NWD1: variants seen among roughly 807,000 people sequenced by gnomAD.
The protein encoded by NWD1 is NACHT domain- and WD repeat-containing protein 1.
In NWD1, 129 loss-of-function variants were observed where a neutral mutation model predicts 135.1. The ratio of observed to expected loss-of-function variants is 0.96; its 90% CI spans 0.83 to 1.11. The LOEUF is 1.11. Among genes scored for constraint, NWD1 ranks in the 50% least tolerant of loss-of-function variants. NWD1 has a pLI of 0.00. For synonymous variants in NWD1, 773 were observed against 786.0 expected, an observed-to-expected ratio of 0.98 and a Z score of 0.28; for missense variants, 1,740 against 1,851.3, an observed-to-expected ratio of 0.94 and a Z score of 1.10.
intron 8 of NWD1, 39 bp from the exon 9 acceptor site, chr19:16,763,789 G>T (rs757733064): frequency 7.8e-7 from 1 of 1,279,080 alleles, no homozygotes; most frequent in Non-Finnish European, 1.1e-6. Flanking sequence ...GAATGAATGG[G>T]TTTGTGTCCA....
At position 16,750,105 on chromosome 19, in the gene NWD1, C is replaced by A. The variant is rs758457446; in HGVS notation, c.1463C>A (p.Ala488Asp). ...TLQRVLLDPE[A>D]YWEVKPLSGN... ...CAGCGGGTGCTCCTGGACCCGGAGG[C>A]CTACTGGGAGGTGAAGCCCCTTTCC... is the stretch of plus-strand genomic sequence containing the variant. Residue 488 changes from alanine (A) to aspartate (D), a missense_variant, in exon 6 of 19, where the codon GCC (alanine) becomes GAC (aspartate). Ala to Asp is a moderately radical substitution (Grantham distance 126). Coordinates refer to ENST00000524140, the MANE Select transcript of NWD1 (RefSeq NM_001007525.5). 1.9e-6 allele frequency: 3 copies of A among 1,614,022 alleles called. No individual in the cohort carries two copies. Among genetic ancestry groups the A allele is most frequent in the East Asian group, 2.2e-5 (1 of 44,874 alleles).
At chr19:16,745,776 G>A (rs569083325) in intron 5 of NWD1, among the ~76,000 whole-genome samples, 1 of 150,074 alleles carries the variant, frequency 6.7e-6, no homozygotes, top group Admixed American at 6.7e-5. Context: ...AATTAGCTAG[G>A]TATAGTGGTG....
intron 10 of NWD1, among the ~76,000 whole-genome samples, chr19:16,769,778 C>A (rs1045779263): frequency 6.6e-6 from 1 of 152,202 alleles, no homozygotes; most frequent in African/African-American, 2.4e-5. Flanking sequence ...TATGTCTCCC[C>A]GATCCTTGCC....
At chr19:16,752,989 C>A (rs185675807) in intron 6 of NWD1, among the ~76,000 whole-genome samples, 1 of 152,192 alleles carries the variant, frequency 6.6e-6, no homozygotes, top group Non-Finnish European at 1.5e-5. Flanking sequence ...CAGAGCAAGA[C>A]CCTGTCTCCA....
intron 6 of NWD1, among the ~76,000 whole-genome samples, chr19:16,751,056 C>T (rs905630259): frequency 1.3e-5 from 2 of 151,250 alleles, no homozygotes; most frequent in Admixed American, 1.3e-4. Context: ...AACTCTGTCT[C>T]CACTAAAAAT....
At chr19:16,752,212 A>C (rs1247493859) in intron 6 of NWD1, among the ~76,000 whole-genome samples, 1 of 148,860 alleles carries the variant, frequency 6.7e-6, no homozygotes, top group East Asian at 1.9e-4. Flanking sequence ...TCTCAGTTTT[A>C]GGGTTGTTTT....
chr19:16,771,426 C>A (rs979461492), intron 10 of NWD1, among the ~76,000 whole-genome samples: 6 of 152,140 alleles, frequency 3.9e-5, no homozygotes, highest in Admixed American at 3.3e-4. Context: ...CTCCAACTTG[C>A]ACGACAGAGC....
At chr19:16,785,708 T>C (rs1970015397) in intron 12 of NWD1, among the ~76,000 whole-genome samples, 1 of 149,132 alleles carries the variant, frequency 6.7e-6, no homozygotes, top group South Asian at 2.1e-4. Flanking sequence ...AAACATAATA[T>C]ATATGTGTGA....
chr19:16,789,714 CTCTT>C (rs1970175561), intron 13 of NWD1, among the ~76,000 whole-genome samples: 2 of 133,734 alleles, frequency 1.5e-5, no homozygotes, highest in Admixed American at 1.5e-4. Context: ...TCTCCTCTCT[CTCTT>C]TTTTTTTTTT....
In NWD1 at chr19:16,816,504, G is replaced by A. The variant is rs1411244588; in HGVS notation, c.*1465G>A. On this transcript the variant is annotated 3_prime_UTR_variant, in exon 19 of 19. Coordinates refer to ENST00000524140, the MANE Select transcript of NWD1 (RefSeq NM_001007525.5). ...TGGGTTTTTAATCTTAAAAACTGGA[G>A]GCTCTTGGAAGTAGAAAGAGCTGCT... The A allele has an allele frequency of 6.6e-6, 1 of 152,128 alleles. No individual in the cohort carries two copies. Among genetic ancestry groups the A allele is most frequent in the African/African-American group, 2.4e-5 (1 of 41,412 alleles). The allele number at this position is 152,128 out of a possible 1,614,324, so 9.4% of individuals were successfully genotyped here.
intron 6 of NWD1, among the ~76,000 whole-genome samples, chr19:16,758,090 G>A (rs1056199074): frequency 2.0e-5 from 3 of 151,882 alleles, no homozygotes; most frequent in Non-Finnish European, 4.4e-5. Context: ...TACAGTGTTG[G>A]GTATGACATT....
At chr19:16,775,692 G>C (rs1014327020) in intron 11 of NWD1, among the ~76,000 whole-genome samples, 1 of 152,086 alleles carries the variant, frequency 6.6e-6, no homozygotes, top group Non-Finnish European at 1.5e-5. Flanking sequence ...TTTTTATATG[G>C]AGTTTTGTTC....
rs190889385 is a variant in NWD1, at chr19:16,720,844, C to T, written c.-105+551C>T. ...CTGGGATTACAGGCGTGAGCCACCG[C>T]ACCTGGCCGAGACTTTTTCTTTTTG... On this transcript the variant is annotated intron_variant, in intron 1 of 18. Transcript: ENST00000524140. 1.2e-3 allele frequency among the ~76,000 whole-genome samples: 175 copies of T among 152,060 alleles called. 4 individuals are homozygous for T. The highest frequency in any genetic ancestry group is 3.9e-3 in the African/African-American group (160 of 41,480).
At chr19:16,726,308 A>G (rs2122672140) in intron 2 of NWD1, among the ~76,000 whole-genome samples, 1 of 152,008 alleles carries the variant, frequency 6.6e-6, no homozygotes, top group South Asian at 2.1e-4. Flanking sequence ...ATGAGGGCTC[A>G]CTGTGTTGCC....
chr19:16,750,564 C>CA (rs1191955005), intron 6 of NWD1, among the ~76,000 whole-genome samples, 153 bp downstream of exon 6: 8 of 152,164 alleles, frequency 5.3e-5, no homozygotes, highest in Non-Finnish European at 1.2e-4. Flanking sequence ...AAGTGATCCT[C>CA]ACGCCTCACC....
At chr19:16,722,537 C>T (rs1288028999) in intron 1 of NWD1, among the ~76,000 whole-genome samples, 1 of 151,910 alleles carries the variant, frequency 6.6e-6, no homozygotes, top group Non-Finnish European at 1.5e-5. Context: ...GATCCGCCCA[C>T]CTTGGCCTCC....
At chr19:16,735,868 G>A (rs865876585) in intron 3 of NWD1, among the ~76,000 whole-genome samples, 10 of 114,628 alleles carry the variant, frequency 8.7e-5, no homozygotes, top group African/African-American at 2.5e-4. Flanking sequence ...GAAGGAAGGA[G>A]GAAGGAAGGA....
intron 12 of NWD1, among the ~76,000 whole-genome samples, chr19:16,784,860 C>G (rs984152192): frequency 6.7e-6 from 1 of 149,188 alleles, no homozygotes; most frequent in Admixed American, 6.6e-5. Context: ...ACCCGGGGGG[C>G]GGAGGTTGCA....
Position 16,749,712 on chromosome 19 carries a change from A to G in NWD1, c.1070A>G (p.Gln357Arg). The stretch of plus-strand genomic sequence containing the variant: ...GCCCTGATGTGCAAGCTGGCTGAGC[A>G]GATGCCAAGGCTGCTGGGGCACAAG... Reference protein sequence around the residue: ...KTALMCKLAEQMPRLLGHKTV... With the variant: ...KTALMCKLAERMPRLLGHKTV... Residue 357 changes from glutamine (Q) to arginine (R), a missense_variant, in exon 6 of 19, where the codon CAG becomes CGG. Transcript: ENST00000524140. 6.2e-7 allele frequency: 1 copy of G among 1,604,014 alleles called. No individual in the cohort carries two copies. Among genetic ancestry groups the G allele is most frequent in the Non-Finnish European group, 8.5e-7 (1 of 1,174,326 alleles).
Sources: allele counts gnomAD v4.1 joint callset (sites outside exome capture counted in the v4.1 genomes callset), GRCh38; gene constraint gnomAD v4.1.1; transcripts MANE v1.5; gene names NCBI Gene and HGNC (gene_info 2026-07-23, HGNC 2026-07-21).